ABTB3: variants seen among roughly 807,000 people sequenced by gnomAD.
ABTB3 encodes ankyrin repeat and BTB domain containing 3.
At chr12:107,443,798 G>A in the ABTB3 span, among the ~76,000 whole-genome samples, 12 of 152,176 alleles carry the variant, frequency 7.9e-5, no homozygotes, top group Non-Finnish European at 8.8e-5. Flanking sequence ...AGAGCACAGC[G>A]TGGGGAGCCT....
chr12:107,538,529 C>T, the ABTB3 span, among the ~76,000 whole-genome samples: 1 of 152,198 alleles, frequency 6.6e-6, no homozygotes. Flanking sequence ...GGGAGCAGCT[C>T]TTTGAGCTCT....
chr12:107,322,252 C>A, the ABTB3 span, among the ~76,000 whole-genome samples: 1 of 152,118 alleles, frequency 6.6e-6, no homozygotes, highest in African/African-American at 2.4e-5. Flanking sequence ...GGGTTTGCTG[C>A]CATCACAACC....
chr12:107,423,357 C>G, the ABTB3 span, among the ~76,000 whole-genome samples: 1 of 152,228 alleles, frequency 6.6e-6, no homozygotes, highest in African/African-American at 2.4e-5. Flanking sequence ...CACACATTAT[C>G]TAGCTGCAGA....
the ABTB3 span, among the ~76,000 whole-genome samples, chr12:107,419,923 A>G: frequency 6.6e-6 from 1 of 152,222 alleles, no homozygotes; most frequent in Non-Finnish European, 1.5e-5. Flanking sequence ...TGACCTGGGA[A>G]AGCCCAGGCG....
the ABTB3 span, among the ~76,000 whole-genome samples, chr12:107,656,966 C>A: frequency 0.29 from 44,202 of 152,038 alleles, 6,771 homozygotes; most frequent in Middle Eastern, 0.41. Context: ...TCACTTGAAC[C>A]CGGGAGGTGG....
the ABTB3 span, chr12:107,544,273 AC>A: frequency 2.2e-6 from 2 of 927,970 alleles, no homozygotes; most frequent in South Asian, 3.4e-5. Flanking sequence ...CCCGGTGGGA[AC>A]CTTGCACCCT....
chr12:107,584,973 T>C, the ABTB3 span, among the ~76,000 whole-genome samples: 3 of 152,110 alleles, frequency 2.0e-5, no homozygotes, highest in Admixed American at 6.5e-5. Flanking sequence ...CTTTTTTTTT[T>C]CCTGTTCTTT....
the ABTB3 span, among the ~76,000 whole-genome samples, chr12:107,407,210 G>T: frequency 6.6e-6 from 1 of 152,148 alleles, no homozygotes; most frequent in South Asian, 2.1e-4. Flanking sequence ...CCAGGGTTTG[G>T]CAGGCTTCAA....
chr12:107,578,676 C>T, the ABTB3 span, among the ~76,000 whole-genome samples: 16 of 152,174 alleles, frequency 1.1e-4, no homozygotes, highest in South Asian at 2.9e-3. Context: ...ATAAGTTCTG[C>T]TCACCTGAGA....
the ABTB3 span, among the ~76,000 whole-genome samples, chr12:107,548,370 T>C: frequency 1.3e-5 from 2 of 152,248 alleles, no homozygotes; most frequent in Non-Finnish European, 2.9e-5. Flanking sequence ...TGGGAAATAT[T>C]GGTGAAATAT....
the ABTB3 span, among the ~76,000 whole-genome samples, chr12:107,337,694 T>C: frequency 1.3e-5 from 2 of 152,202 alleles, no homozygotes; most frequent in Admixed American, 1.3e-4. Flanking sequence ...ATTAACTGTG[T>C]TGGCCACATA....
At chr12:107,572,197 A>G in the ABTB3 span, among the ~76,000 whole-genome samples, 1 of 152,170 alleles carries the variant, frequency 6.6e-6, no homozygotes, top group Non-Finnish European at 1.5e-5. Context: ...AAGTAATGCA[A>G]GACAGAGATA....
chr12:107,657,002 C>T, the ABTB3 span, among the ~76,000 whole-genome samples: 3 of 152,170 alleles, frequency 2.0e-5, no homozygotes, highest in East Asian at 1.9e-4. Flanking sequence ...GAGATCATGC[C>T]GCTGCGCTCC....
chr12:107,572,028 C>T, the ABTB3 span, among the ~76,000 whole-genome samples: 422 of 152,254 alleles, frequency 2.8e-3, 8 homozygotes, highest in East Asian at 0.042. Context: ...AGTCCTAATG[C>T]GCAGAACTTG....
chr12:107,479,005 C>T, the ABTB3 span, among the ~76,000 whole-genome samples: 1 of 152,188 alleles, frequency 6.6e-6, no homozygotes, highest in East Asian at 1.9e-4. Context: ...TGCTGTCCCA[C>T]CTCCTTTTCC....
At chr12:107,564,090 CTG>C in the ABTB3 span, among the ~76,000 whole-genome samples, 12,154 of 126,108 alleles carry the variant, frequency 0.096, 577 homozygotes, top group African/African-American at 0.12. Context: ...ATCTATCTCT[CTG>C]TGTGTGTGTG....
chr12:107,343,411 TTA>T, the ABTB3 span, among the ~76,000 whole-genome samples: 3 of 152,222 alleles, frequency 2.0e-5, no homozygotes, highest in Non-Finnish European at 4.4e-5. Flanking sequence ...ATGTATTCAC[TTA>T]TAGAGTGTTC....
At chr12:107,401,332 C>A in the ABTB3 span, among the ~76,000 whole-genome samples, 1 of 152,198 alleles carries the variant, frequency 6.6e-6, no homozygotes, top group African/African-American at 2.4e-5. Context: ...AGCTGTCTGT[C>A]TTTTCGGATG....
chr12:107,599,079 A>G, the ABTB3 span, among the ~76,000 whole-genome samples: 1 of 152,210 alleles, frequency 6.6e-6, no homozygotes, highest in African/African-American at 2.4e-5. Flanking sequence ...TGTTGTTTCA[A>G]GGCCACCATG....
Sources: gnomAD v4.1 joint callset for allele counts (sites outside exome capture counted in the v4.1 genomes callset) on GRCh38, gnomAD v4.1.1 for gene constraint, MANE v1.5 for transcripts, NCBI Gene and HGNC (gene_info 2026-07-23, HGNC 2026-07-21) for gene names.